Variants in SRP68 observed in about 807,000 individuals in gnomAD.
SRP68 encodes signal recognition particle 68.
Under a neutral mutation model 82.2 loss-of-function variants are expected in SRP68, and 15 were observed. The ratio of observed to expected loss-of-function variants is 0.18; its 90% CI spans 0.12 to 0.28. SRP68 has a LOEUF of 0.28. Ranked by LOEUF, SRP68 falls within the 10% of genes least tolerant of loss-of-function variation. SRP68 has a pLI of 1.00. For synonymous variants in SRP68, 261 were observed against 292.6 expected (o/e 0.89, Z 1.10); for missense variants, 595 against 780.5 (o/e 0.76, Z 2.83).
rs553595596 is a variant in SRP68 at position 76,041,182 on chromosome 17, T to A, written c.1525-204A>T. ...AGCTATGCCACGGCTTAAGTAATAA[T>A]GCCTGGAAATAAAGATGATGTTAAT... On this transcript the variant is annotated intron_variant, in intron 13 of 15. Transcript: ENST00000307877. The A allele has an allele frequency of 4.5e-4, 216 of 483,194 alleles. 3 individuals carry two copies. Among genetic ancestry groups the A allele is most frequent in the Middle Eastern group, 3.5e-3 (12 of 3,388 alleles). 29.9% of individuals were successfully genotyped at this position (483,194 alleles called of 1,614,324 possible).
intron 4 of SRP68, among the ~76,000 whole-genome samples, chr17:76,061,826 A>C (rs113859031): frequency 6.6e-6 from 1 of 152,014 alleles, no homozygotes; most frequent in Admixed American, 6.6e-5. Flanking sequence ...AATAAATTTT[A>C]AAAAAAGAAG....
At chr17:76,068,906 T>C (rs938277510) in intron 2 of SRP68, among the ~76,000 whole-genome samples, 1 of 152,040 alleles carries the variant, frequency 6.6e-6, no homozygotes, top group Admixed American at 6.6e-5. Context: ...CCAGCTAGGA[T>C]TTCATTTTTA....
chr17:76,067,845 G>A (rs2066818768), intron 2 of SRP68, among the ~76,000 whole-genome samples: 1 of 152,238 alleles, frequency 6.6e-6, no homozygotes, highest in Admixed American at 6.5e-5. Flanking sequence ...GGAGGACACA[G>A]TGCCCATGTT....
At chr17:76,059,904 T>C (rs1004360956) in intron 7 of SRP68, among the ~76,000 whole-genome samples, 25 of 151,192 alleles carry the variant, frequency 1.7e-4, no homozygotes, top group African/African-American at 6.1e-4. Context: ...GGCGGGCGGA[T>C]CTCGAGGTCA....
At chr17:76,062,654 A>G (rs2066768408) in intron 4 of SRP68, among the ~76,000 whole-genome samples, 2 of 32,500 alleles carry the variant, frequency 6.2e-5, no homozygotes, top group Non-Finnish European at 8.6e-5. Context: ...TATACATTAT[A>G]TATTATATAA....
chr17:76,061,274 G>T, intron 5 of SRP68, 55 bp from the exon 6 acceptor site: 1 of 1,257,674 alleles, frequency 8.0e-7, no homozygotes, highest in Non-Finnish European at 1.2e-6. Flanking sequence ...AAAAACTCAT[G>T]GGGAACACAG....
Position 76,064,008 on chromosome 17 carries a change from G to A in SRP68, c.529C>T (p.Arg177Cys), listed in dbSNP as rs773341186. ...EELERLCESN[R>C]VDAKTKLEAQ... ...TCTAATTTGGTCTTGGCATCCACGC[G>A]ATTGCTCTCACACAAGCGTTCCAAT... The change falls in exon 4 of 16, where the codon CGC becomes TGC. Residue 177 changes from arginine (R) to cysteine (C), a missense_variant. Around this residue, in one of 2 missense-constraint regions of SRP68, gnomAD observed 495 missense variants for 688.6 expected, o/e 0.72. Transcript: ENST00000307877. The A allele has an allele frequency of 9.9e-6, 16 of 1,613,994 alleles. No individual in the cohort carries two copies. Among genetic ancestry groups the A allele is most frequent in the South Asian group, 9.9e-5 (9 of 91,080 alleles).
intron 4 of SRP68, among the ~76,000 whole-genome samples, chr17:76,062,925 T>C (rs539278378): frequency 6.3e-4 from 94 of 148,558 alleles, no homozygotes; most frequent in South Asian, 2.5e-3. Context: ...TGTCCGCCAC[T>C]ACGCCCAGCT....
rs745371890 is a variant in SRP68 at position 76,046,078 on chromosome 17, C to T, written c.1259G>A (p.Arg420Gln). The T allele has an allele frequency of 4.3e-6, 7 of 1,613,918 alleles. No homozygotes were observed. Among genetic ancestry groups the T allele is most frequent in the Non-Finnish European group, 5.9e-6 (7 of 1,179,868 alleles). The stretch of plus-strand genomic sequence containing the variant: ...ATAGAGTCGGATCAGGTCCTGGGGC[C>T]GGGGTGAGCGCTTGCTGTCATCCTC... ...QPEDDSKRSP[R>Q]PQDLIRLYDI... The change falls in exon 11 of 16, where the codon CGG (arginine) becomes CAG (glutamine). Residue 420 changes from arginine to glutamine, a missense_variant. Arg to Gln is a conservative substitution (Grantham distance 43). Around this residue, in one of 2 missense-constraint regions of SRP68, gnomAD observed 495 missense variants for 688.6 expected, o/e 0.72. Coordinates refer to ENST00000307877, the MANE Select transcript of SRP68 (RefSeq NM_014230.4).
At chr17:76,040,080 C>T in intron 15 of SRP68, 147 bp from the exon 16 acceptor site, 1 of 779,362 alleles carries the variant, frequency 1.3e-6, no homozygotes, top group Non-Finnish European at 2.1e-6. Flanking sequence ...CGAGGAGGGG[C>T]TACCACATCC....
chr17:76,046,527 G>A (rs1038216876), intron 10 of SRP68, among the ~76,000 whole-genome samples: 9 of 150,458 alleles, frequency 6.0e-5, no homozygotes, highest in Non-Finnish European at 1.2e-4. Flanking sequence ...CGAGGCAGGA[G>A]ATCACCTGAG....
At chr17:76,055,049 C>T (rs1376841571) in intron 8 of SRP68, among the ~76,000 whole-genome samples, 1 of 151,590 alleles carries the variant, frequency 6.6e-6, no homozygotes, top group Non-Finnish European at 1.5e-5. Flanking sequence ...CTCCGCCTCC[C>T]GGGTTTAAGT....
chr17:76,040,669 T>G (rs988896288), intron 14 of SRP68, 195 bp from the exon 15 acceptor site: 23 of 673,606 alleles, frequency 3.4e-5, no homozygotes, highest in African/African-American at 2.9e-4. Context: ...GTCGGCCCAG[T>G]GAAGCCAGCA....
At chr17:76,056,648 C>T (rs2144508144) in intron 8 of SRP68, among the ~76,000 whole-genome samples, 1 of 152,310 alleles carries the variant, frequency 6.6e-6, no homozygotes, top group South Asian at 2.1e-4. Context: ...GCCAATTCCT[C>T]AACACATTAA....
chr17:76,072,045 C>T lies in SRP68; in HGVS notation c.184+263G>A. 3.3e-6 allele frequency: 2 copies of T among 600,148 alleles called. No homozygotes were observed. Among genetic ancestry groups the T allele is most frequent in the Non-Finnish European group, 5.6e-6 (2 of 358,714 alleles). 37.2% of individuals were successfully genotyped at this position (600,148 alleles called of 1,614,324 possible). On this transcript the variant is annotated intron_variant, in intron 1 of 15. Transcript: ENST00000307877. The surrounding 1 kb of genome is among the most constrained non-coding windows in gnomAD (Gnocchi z 4.5). ...CACAAGCCCTCCAACTGGACAACTG[C>T]GGGGCACCAGGGGAAACCTGCCTGA...
intron 8 of SRP68, among the ~76,000 whole-genome samples, chr17:76,052,535 T>G (rs1476674557): frequency 6.6e-6 from 1 of 152,152 alleles, no homozygotes; most frequent in Non-Finnish European, 1.5e-5. Context: ...CTGGGCGCGG[T>G]GGCTCACGCC....
chr17:76,039,594 CTCT>C lies in SRP68; in HGVS notation c.*109_*111del. ...GGAATGCAGGGCCGAAGATGTTAAA[CTCT>C]TGCCCCGGGCCAATGCAGACCTGGA... On this transcript the variant is annotated 3_prime_UTR_variant, in exon 16 of 16. Transcript: ENST00000307877. The C allele has an allele frequency of 6.6e-6, 7 of 1,056,318 alleles. No individual in the cohort carries two copies. The highest frequency in any genetic ancestry group is 8.3e-6 in the Non-Finnish European group (6 of 723,572). 65.4% of individuals were successfully genotyped at this position (1,056,318 alleles called of 1,614,324 possible). A position where few individuals can be genotyped will look rare whatever the true frequency, so the allele number is the denominator to read the frequency against.
rs2066849450 is a variant in SRP68 at position 76,071,039 on chromosome 17, C to T, written c.185-595G>A. Reference sequence around the variant, plus strand: ...GGCACTACTGGCCACTGGAAACTGCCAAAACCCAGTTTAAATTAAGCTGAT... The same window carrying T: ...GGCACTACTGGCCACTGGAAACTGCTAAAACCCAGTTTAAATTAAGCTGAT... On this transcript the variant is annotated intron_variant, in intron 1 of 15. Coordinates refer to ENST00000307877, the MANE Select transcript of SRP68 (RefSeq NM_014230.4). The surrounding 1 kb of genome is among the most constrained non-coding windows in gnomAD (Gnocchi z 4.7). 6.6e-6 allele frequency among the ~76,000 whole-genome samples: 1 copy of T among 152,152 alleles called. No individual in the cohort carries two copies. The highest frequency in any genetic ancestry group is 1.5e-5 in the Non-Finnish European group (1 of 68,022).
intron 7 of SRP68, 22 bp from the exon 8 acceptor site, chr17:76,057,565 T>C: frequency 1.2e-6 from 2 of 1,613,700 alleles, no homozygotes; most frequent in Non-Finnish European, 1.7e-6. Context: ...TTTAAAAAAG[T>C]TAAAGCTTTA....
Sources: allele counts gnomAD v4.1 joint callset (sites outside exome capture counted in the v4.1 genomes callset), GRCh38; gene constraint gnomAD v4.1.1; regional missense constraint gnomAD v4.1.1; non-coding constraint Gnocchi (gnomAD v3.1); transcripts MANE v1.5; gene names NCBI Gene and HGNC (gene_info 2026-07-23, HGNC 2026-07-21).